Variants in CANX observed in about 807,000 individuals in gnomAD.
CANX encodes calnexin.
A neutral mutation model predicts 75.7 loss-of-function variants in CANX; 14 were observed. The observed-to-expected ratio is 0.19, with a 90% CI of 0.12 to 0.29. The LOEUF is 0.29. CANX is among the 10% of genes least tolerant of loss of function. CANX has a pLI of 1.00. For missense variants in CANX, 567 were observed against 713.2 expected, an observed-to-expected ratio of 0.79 and a Z score of 2.34; for synonymous variants, 227 against 236.9, an observed-to-expected ratio of 0.96 and a Z score of 0.38.
At chr5:179,695,097 T>C (rs1357645845), upstream of CANX, among the ~76,000 whole-genome samples, 1 of 152,096 alleles carries the variant, frequency 6.6e-6, no homozygotes, top group Admixed American at 6.6e-5. Flanking sequence ...TCTCCCAGGC[T>C]GGAGTGCAGT....
chr5:179,713,270 C>G (rs1777703206), intron 7 of CANX, among the ~76,000 whole-genome samples: 1 of 151,916 alleles, frequency 6.6e-6, no homozygotes, highest in Non-Finnish European at 1.5e-5. Flanking sequence ...TTAGTAGAGC[C>G]TTGTTGGCCA....
At chr5:179,695,595 C>T (rs1581826292), upstream of CANX, among the ~76,000 whole-genome samples, 4 of 152,246 alleles carry the variant, frequency 2.6e-5, no homozygotes, top group East Asian at 7.7e-4. Flanking sequence ...TCCCAAAGTG[C>T]TGGGATTACA....
intron 13 of CANX, among the ~76,000 whole-genome samples, chr5:179,725,863 C>T (rs1371443536): frequency 6.6e-6 from 1 of 151,218 alleles, no homozygotes; most frequent in Admixed American, 6.6e-5. Context: ...TGGCGGGCGC[C>T]TGTAGTCCCA....
intron 1 of CANX, among the ~76,000 whole-genome samples, chr5:179,702,359 A>G (rs907055660): frequency 7.9e-5 from 12 of 152,038 alleles, no homozygotes; most frequent in Non-Finnish European, 1.5e-4. Flanking sequence ...CCAGGAGACC[A>G]GAAATTAAGC....
chr5:179,721,420 A>T (rs565562830), intron 10 of CANX, among the ~76,000 whole-genome samples: 6 of 152,222 alleles, frequency 3.9e-5, no homozygotes, highest in Non-Finnish European at 8.8e-5. Context: ...CTTTGTAACT[A>T]TATTTAAAAA....
intron 1 of CANX, among the ~76,000 whole-genome samples, chr5:179,681,784 C>G (rs1776070100): frequency 6.6e-6 from 1 of 151,958 alleles, no homozygotes; most frequent in Non-Finnish European, 1.5e-5. Context: ...AAGACCCCAT[C>G]TCTACAAAAA....
chr5:179,679,046 G>T, intron 1 of CANX: 1 of 1,534,532 alleles, frequency 6.5e-7, no homozygotes, highest in Non-Finnish European at 8.7e-7. Context: ...CCGCCGTGGC[G>T]AGAAGGGCCG....
intron 7 of CANX, 85 bp downstream of exon 7, chr5:179,710,150 CTG>C (rs1777439281): frequency 1.2e-6 from 1 of 833,594 alleles, no homozygotes; most frequent in Admixed American, 2.5e-5. Context: ...TGGCCGGGCA[CTG>C]TGGCTCACGC....
chr5:179,731,175 G>A lies in CANX; in HGVS notation c.*2531G>A, dbSNP rs1490102600. On this transcript the variant is annotated 3_prime_UTR_variant, in exon 15 of 15. Transcript: ENST00000247461. Reference sequence around the variant, plus strand: ...TTTCTGTTGTATAATAGTGTGGACAGCAGCTCAGAAAAGGAGGGAATGCTA... The same window carrying A: ...TTTCTGTTGTATAATAGTGTGGACAACAGCTCAGAAAAGGAGGGAATGCTA... Among the ~76,000 whole-genome samples, 2 of 152,176 alleles carry A rather than the reference G, an allele frequency of 1.3e-5. No individual in the cohort carries two copies. Among genetic ancestry groups the A allele is most frequent in the African/African-American group, 4.8e-5 (2 of 41,440 alleles).
upstream of CANX, chr5:179,698,638 G>T (rs1451810209): frequency 1.6e-6 from 2 of 1,245,190 alleles, no homozygotes; most frequent in Admixed American, 4.6e-5. Flanking sequence ...GGAACGCCCC[G>T]AAGGCACCAC....
rs145476379 is a variant in CANX at position 179,690,643 on chromosome 5, G to A, written c.-4+11866G>A. On this transcript the variant is annotated intron_variant, in intron 1 of 14. Transcript: ENST00000681674. ...CCAGTGGCTCACGCCTGTAATCCCAGCACTTTGGGAGGCTCAGGCAGGTGG... is the reference window on the plus strand; with the variant it reads ...CCAGTGGCTCACGCCTGTAATCCCAACACTTTGGGAGGCTCAGGCAGGTGG... Among the ~76,000 whole-genome samples, 1,368 of 149,438 alleles carry A rather than the reference G, an allele frequency of 9.2e-3. 31 individuals are homozygous for A. The highest frequency in any genetic ancestry group is 0.032 in the African/African-American group (1,307 of 40,616).
intron 6 of CANX, among the ~76,000 whole-genome samples, chr5:179,709,524 T>A (rs1436273385): frequency 6.6e-6 from 1 of 152,238 alleles, no homozygotes; most frequent in Non-Finnish European, 1.5e-5. Flanking sequence ...TAACGTGCTT[T>A]TTATTTGAAG....
chr5:179,724,021 A>G (rs1029690533), intron 12 of CANX, among the ~76,000 whole-genome samples: 2 of 151,966 alleles, frequency 1.3e-5, no homozygotes, highest in Admixed American at 6.6e-5. Flanking sequence ...GTTACTCTCC[A>G]TAGTGTTCGG....
chr5:179,724,795 A>C lies in CANX; in HGVS notation c.1645+12A>C. 6.3e-7 allele frequency: 1 copy of C among 1,598,322 alleles called. No individual in the cohort carries two copies. Among genetic ancestry groups the C allele is most frequent in the Non-Finnish European group, 8.5e-7 (1 of 1,171,638 alleles). ...AGAAGAGAAACTTGGTAAGAAACAG[A>C]GTCCAGAAAATCTGCTTTAAGCCAA... On this transcript the variant is annotated intron_variant, in intron 13 of 14. Coordinates refer to ENST00000247461, the MANE Select transcript of CANX (RefSeq NM_001746.4).
At chr5:179,694,422 G>T, upstream of CANX, 1 of 662,024 alleles carries the variant, frequency 1.5e-6, no homozygotes, top group Middle Eastern at 3.7e-4. Flanking sequence ...GAAGGGACCA[G>T]CTAAGGGAGG....
intron 1 of CANX, chr5:179,679,281 C>A (rs1775989914): frequency 2.0e-6 from 3 of 1,510,090 alleles, no homozygotes; most frequent in Non-Finnish European, 2.6e-6. Flanking sequence ...AGACAAGAGT[C>A]CGGGTGAGCA....
At chr5:179,727,258 G>A (rs762385200) in intron 14 of CANX, among the ~76,000 whole-genome samples, 17 of 152,162 alleles carry the variant, frequency 1.1e-4, no homozygotes, top group Non-Finnish European at 2.4e-4. Flanking sequence ...CTACTTGGGG[G>A]AAACAGGCAA....
intron 1 of CANX, chr5:179,679,201 C>G (rs193126984): frequency 1.3e-6 from 2 of 1,534,680 alleles, no homozygotes; most frequent in East Asian, 2.4e-5. Flanking sequence ...GCTGGCGACT[C>G]GTGCTGCGCT....
chr5:179,699,131 G>C (rs1776550106), intron 1 of CANX, 29 bp downstream of exon 1: 1 of 1,010,232 alleles, frequency 9.9e-7, no homozygotes, highest in Non-Finnish European at 1.2e-6. Context: ...GCGCGTCCTC[G>C]GGCCTGTGAG....
Sources: allele counts gnomAD v4.1 joint callset (sites outside exome capture counted in the v4.1 genomes callset), GRCh38; gene constraint gnomAD v4.1.1; transcripts MANE v1.5; gene names NCBI Gene and HGNC (gene_info 2026-07-23, HGNC 2026-07-21).